Variants in WDR72 observed in about 807,000 individuals in gnomAD.
WDR72 encodes the protein WD repeat domain 72, also known as WD repeat-containing protein 72.
In WDR72, 120 loss-of-function variants were observed where a neutral mutation model predicts 124.2. That is an observed-to-expected ratio of 0.97 (90% CI 0.83 to 1.12). The LOEUF (loss-of-function observed/expected upper bound fraction) is 1.12, where lower values mean the gene tolerates loss of function less well. Among genes scored for constraint, WDR72 ranks in the 50% most tolerant of loss-of-function variants. The probability of loss-of-function intolerance (pLI) is 0.00; values close to 1 mark genes in which losing one functional copy is unlikely to be tolerated. For synonymous variants in WDR72, 452 were observed against 441.7 expected, an observed-to-expected ratio of 1.02 and a Z score of -0.29; for missense variants, 1,387 against 1,278.8, an observed-to-expected ratio of 1.08 and a Z score of -1.29.
At chr15:53,700,052 A>G (rs2017124452) in intron 12 of WDR72, 107 bp from the exon 13 acceptor site, 1 of 1,279,902 alleles carries the variant, frequency 7.8e-7, no homozygotes, top group Non-Finnish European at 1.1e-6. Context: ...TTAAAGCCCC[A>G]TTTACAAAAA....
intron 18 of WDR72, among the ~76,000 whole-genome samples, chr15:53,556,822 T>C (rs1396449807): frequency 2.6e-5 from 4 of 152,142 alleles, no homozygotes; most frequent in Non-Finnish European, 4.4e-5. Context: ...ATGTAAATTA[T>C]GAGTATAGCG....
chr15:53,550,974 G>C (rs934675635), intron 18 of WDR72, among the ~76,000 whole-genome samples: 8 of 152,166 alleles, frequency 5.3e-5, no homozygotes, highest in Non-Finnish European at 1.2e-4. Flanking sequence ...TTCACAGTTT[G>C]TCATGAGAAT....
chr15:53,588,457 GT>G (rs2012332982), intron 18 of WDR72, among the ~76,000 whole-genome samples: 1 of 152,040 alleles, frequency 6.6e-6, no homozygotes, highest in Admixed American at 6.6e-5. Context: ...CTTAGACATA[GT>G]AAGTGCTTAA....
chr15:53,583,206 A>G (rs2012023790), intron 18 of WDR72, among the ~76,000 whole-genome samples: 2 of 152,026 alleles, frequency 1.3e-5, no homozygotes, highest in African/African-American at 4.8e-5. Flanking sequence ...TCCTCTCAAT[A>G]AAGTGGGCCA....
chr15:53,607,578 T>C (rs777032816), intron 17 of WDR72, among the ~76,000 whole-genome samples: 3 of 151,990 alleles, frequency 2.0e-5, no homozygotes, highest in Non-Finnish European at 4.4e-5. Context: ...AAGAAAACAT[T>C]GGGGGAGATC....
chr15:53,590,151 T>G (rs187973215), intron 18 of WDR72, among the ~76,000 whole-genome samples: 4 of 151,948 alleles, frequency 2.6e-5, no homozygotes, highest in Non-Finnish European at 5.9e-5. Flanking sequence ...AGATTGTCTA[T>G]TAGATAATTA....
In WDR72 at chr15:53,517,699, T is replaced by A; in HGVS notation, c.3309A>T (p.Ter1103TyrextTer6). ...TCAGCTCCTACTGATGAGATTCCAT[T>A]TAAGACACCTTGCAGGGGCAGACCT... is the stretch of plus-strand genomic sequence containing the variant. ...IAKVCPCKVS[*>Y] The change falls in exon 20 of 20, where the codon TAA becomes TAT. Residue 1103 changes from the stop codon to tyrosine (Y), a stop_lost. Transcript: ENST00000360509. 1 of 1,612,932 alleles carries A rather than the reference T, an allele frequency of 6.2e-7. No homozygotes were observed. Among genetic ancestry groups the A allele is most frequent in the Non-Finnish European group, 8.5e-7 (1 of 1,179,168 alleles).
At chr15:53,722,232 G>A (rs143886854) in intron 3 of WDR72, among the ~76,000 whole-genome samples, 20 of 151,594 alleles carry the variant, frequency 1.3e-4, no homozygotes, top group African/African-American at 4.4e-4. Flanking sequence ...TCAGGGTTTC[G>A]TCACGTCGGC....
At chr15:53,537,256 G>T (rs534021650) in intron 18 of WDR72, among the ~76,000 whole-genome samples, 18 of 152,274 alleles carry the variant, frequency 1.2e-4, no homozygotes, top group African/African-American at 4.3e-4. Flanking sequence ...GCTTCTAAGA[G>T]TGATGGTTTA....
At chr15:53,742,068 T>A (rs1246700622) in intron 1 of WDR72, among the ~76,000 whole-genome samples, 1 of 152,190 alleles carries the variant, frequency 6.6e-6, no homozygotes, top group Non-Finnish European at 1.5e-5. Flanking sequence ...ATTCTGAGAT[T>A]CTGAGAAAGA....
At position 53,675,286 on chromosome 15, in the gene WDR72, T is replaced by C. The variant is rs567388258; in HGVS notation, c.1766-9518A>G. ...TGAACCTGGAAGGCGGAGGTTGCAG[T>C]GAGCTGAGATTGCACCACTGCACTC... On this transcript the variant is annotated intron_variant, in intron 13 of 19. Transcript: ENST00000360509. Among the ~76,000 whole-genome samples, 167 of 149,902 alleles carry C rather than the reference T, an allele frequency of 1.1e-3. 1 individual carries two copies. The highest frequency in any genetic ancestry group is 4.0e-3 in the African/African-American group (161 of 40,712).
intron 13 of WDR72, among the ~76,000 whole-genome samples, chr15:53,694,265 T>C (rs903866528): frequency 6.6e-6 from 1 of 152,186 alleles, no homozygotes; most frequent in Non-Finnish European, 1.5e-5. Flanking sequence ...CATTTTTATA[T>C]TTTGGCAACT....
At position 53,726,810 on chromosome 15, in the gene WDR72, C is replaced by T. The variant is rs148558042; in HGVS notation, c.154-3902G>A. Among the ~76,000 whole-genome samples, 28 of 152,280 alleles carry T rather than the reference C, an allele frequency of 1.8e-4. No individual in the cohort carries two copies. The East Asian group carries it at 4.6e-3, about 25-fold the overall frequency. On this transcript the variant is annotated intron_variant, in intron 2 of 19. Coordinates refer to ENST00000360509, the MANE Select transcript of WDR72 (RefSeq NM_182758.4). ...AGCAAGCTGAGCTCATGCCACTGCA[C>T]TCCAGACTGGGTGACAGAGTGAGAT...
At chr15:53,600,882 C>G (rs185834688) in intron 17 of WDR72, among the ~76,000 whole-genome samples, 1 of 152,266 alleles carries the variant, frequency 6.6e-6, no homozygotes, top group African/African-American at 2.4e-5. Context: ...AATCCCCAAA[C>G]TTTTCTGTTT....
At chr15:53,529,162 ATATT>A (rs1233668098) in intron 18 of WDR72, among the ~76,000 whole-genome samples, 32 of 58,742 alleles carry the variant, frequency 5.4e-4, no homozygotes, top group African/African-American at 2.0e-3. Context: ...ATATATATAT[ATATT>A]TTTTTTTTTT....
At chr15:53,638,572 A>C (rs935725929) in intron 14 of WDR72, among the ~76,000 whole-genome samples, 2 of 143,852 alleles carry the variant, frequency 1.4e-5, no homozygotes, top group Non-Finnish European at 3.0e-5. Flanking sequence ...TTTTCTCCTA[A>C]TCACATTCTT....
intron 18 of WDR72, among the ~76,000 whole-genome samples, chr15:53,568,871 T>C (rs1249363845): frequency 1.3e-5 from 2 of 152,082 alleles, no homozygotes; most frequent in Admixed American, 6.6e-5. Flanking sequence ...ACATCATTGA[T>C]ACATACAAAT....
At chr15:53,555,194 A>T (rs1166011257) in intron 18 of WDR72, among the ~76,000 whole-genome samples, 1 of 138,712 alleles carries the variant, frequency 7.2e-6, no homozygotes, top group African/African-American at 2.6e-5. Context: ...ACTTTCTACA[A>T]TGTGAAGCCA....
intron 19 of WDR72, among the ~76,000 whole-genome samples, chr15:53,518,421 G>A (rs536014097): frequency 6.6e-6 from 1 of 151,258 alleles, no homozygotes; most frequent in East Asian, 2.0e-4. Context: ...TATACTAACT[G>A]TGTGTGTGTG....
Sources: allele counts gnomAD v4.1 joint callset (sites outside exome capture counted in the v4.1 genomes callset), GRCh38; gene constraint gnomAD v4.1.1; transcripts MANE v1.5; gene names NCBI Gene and HGNC (gene_info 2026-07-23, HGNC 2026-07-21).